Variants in YEATS2 observed in about 807,000 individuals in gnomAD.
YEATS2 encodes the protein YEATS domain-containing protein 2.
YEATS2 carries 77 observed loss-of-function variants against 163.2 expected under a neutral mutation model. The observed-to-expected ratio is 0.47, with a 90% CI of 0.39 to 0.57. YEATS2 has a LOEUF of 0.57. YEATS2 is among the 20% of genes least tolerant of loss of function. The pLI, the probability that YEATS2 is intolerant of heterozygous loss-of-function variation, is 0.00. For synonymous variants in YEATS2, 631 were observed against 645.1 expected (o/e 0.98, Z 0.33); for missense variants, 1,549 against 1,729.8 (o/e 0.90, Z 1.85).
At chr3:183,731,098 G>A (rs1409084859) in intron 7 of YEATS2, among the ~76,000 whole-genome samples, 1 of 151,944 alleles carries the variant, frequency 6.6e-6, no homozygotes, top group Non-Finnish European at 1.5e-5. Context: ...TCAGGAGATC[G>A]AGACCATCCT....
chr3:183,802,348 C>A (rs1725738198), intron 25 of YEATS2: 1 of 152,722 alleles, frequency 6.5e-6, no homozygotes, highest in African/African-American at 2.4e-5. Context: ...CTTATTTTTT[C>A]CAACTGTAAT....
chr3:183,724,943 A>G (rs910231024), intron 6 of YEATS2, among the ~76,000 whole-genome samples: 7 of 149,568 alleles, frequency 4.7e-5, no homozygotes, highest in Admixed American at 2.0e-4. Flanking sequence ...GGGTTTCTCC[A>G]TGTTGGTCAG....
At chr3:183,760,743 G>C (rs1315572401) in intron 13 of YEATS2, among the ~76,000 whole-genome samples, 1 of 152,130 alleles carries the variant, frequency 6.6e-6, no homozygotes, top group Non-Finnish European at 1.5e-5. Context: ...TGTATTCTGG[G>C]TGTTCATTGA....
chr3:183,709,807 A>C (rs1315190794), intron 1 of YEATS2, among the ~76,000 whole-genome samples: 2 of 150,932 alleles, frequency 1.3e-5, no homozygotes, highest in Non-Finnish European at 2.9e-5. Context: ...CCTCCGGAGT[A>C]GCTAGGACTA....
chr3:183,762,057 T>C, intron 14 of YEATS2, 40 bp from the exon 15 acceptor site: 2 of 1,613,374 alleles, frequency 1.2e-6, no homozygotes, highest in Non-Finnish European at 1.7e-6. Flanking sequence ...AAATGGGATG[T>C]TTATGGATGT....
Position 183,810,826 on chromosome 3 carries a change from C to T in YEATS2, c.*243C>T. The T allele has an allele frequency of 2.0e-6, 1 of 492,456 alleles. No homozygotes were observed. 30.5% of individuals were successfully genotyped at this position (492,456 alleles called of 1,614,324 possible). A position where few individuals can be genotyped will look rare whatever the true frequency, so the allele number is the denominator to read the frequency against. The stretch of plus-strand genomic sequence containing the variant: ...GTCAGTGGATCCGTGCTTTGTCGGC[C>T]AGCGTTTCTGCAGTCTTTGTAAAGG... On this transcript the variant is annotated 3_prime_UTR_variant, in exon 31 of 31. Coordinates refer to ENST00000305135, the MANE Select transcript of YEATS2 (RefSeq NM_018023.5).
At chr3:183,803,683 C>T in intron 26 of YEATS2, 1 of 500,740 alleles carries the variant, frequency 2.0e-6, no homozygotes, top group East Asian at 3.8e-5. Context: ...GGTGAAGATC[C>T]TTACAGTGGG....
At chr3:183,764,987 A>C (rs565636047) in intron 15 of YEATS2, among the ~76,000 whole-genome samples, 2 of 152,126 alleles carry the variant, frequency 1.3e-5, no homozygotes, top group Admixed American at 1.3e-4. Context: ...GTTTTTAATA[A>C]GTGTTTCTGC....
At chr3:183,786,337 G>A in intron 20 of YEATS2, 36 bp downstream of exon 20, 1 of 1,571,168 alleles carries the variant, frequency 6.4e-7, no homozygotes, top group South Asian at 1.1e-5. Flanking sequence ...ATCCTAATGA[G>A]ACATGAAAGT....
chr3:183,768,903 C>T (rs1215133977), intron 15 of YEATS2, among the ~76,000 whole-genome samples: 1 of 152,168 alleles, frequency 6.6e-6, no homozygotes, highest in Non-Finnish European at 1.5e-5. Context: ...ACCCAGGAGG[C>T]GGAGGTTGCG....
At chr3:183,724,997 C>T (rs1716922602) in intron 6 of YEATS2, among the ~76,000 whole-genome samples, 2 of 150,562 alleles carry the variant, frequency 1.3e-5, no homozygotes, top group Admixed American at 1.3e-4. Context: ...TCCACCTTGG[C>T]CTCTCAAAGT....
intron 1 of YEATS2, among the ~76,000 whole-genome samples, chr3:183,707,685 T>A (rs1714756473): frequency 1.4e-5 from 2 of 147,552 alleles, no homozygotes; most frequent in African/African-American, 5.0e-5. Flanking sequence ...CCTATTTTTT[T>A]TTTTTTTTTT....
chr3:183,722,237 G>C, intron 5 of YEATS2, 101 bp downstream of exon 5: 2 of 1,205,596 alleles, frequency 1.7e-6, no homozygotes, highest in Non-Finnish European at 2.2e-6. Context: ...AGGAATCTTA[G>C]GAAATAGGTT....
intron 7 of YEATS2, among the ~76,000 whole-genome samples, chr3:183,729,790 C>T (rs1205614876): frequency 1.1e-4 from 16 of 151,818 alleles, no homozygotes; most frequent in African/African-American, 2.4e-4. Context: ...CAGGTTCAAG[C>T]GATTCTTCTG....
chr3:183,718,178 A>G (rs1577050520), intron 3 of YEATS2, among the ~76,000 whole-genome samples: 1 of 152,212 alleles, frequency 6.6e-6, no homozygotes, highest in East Asian at 1.9e-4. Flanking sequence ...TCCCATAAAC[A>G]TGTGCACTGT....
chr3:183,796,012 C>T (rs1466816134), intron 21 of YEATS2, among the ~76,000 whole-genome samples: 3 of 144,226 alleles, frequency 2.1e-5, no homozygotes, highest in Non-Finnish European at 3.0e-5. Flanking sequence ...GACGGAGTTC[C>T]GCTCTCGTTG....
chr3:183,724,262 C>A (rs1288781367), intron 5 of YEATS2, among the ~76,000 whole-genome samples, 157 bp from the exon 6 acceptor site: 1 of 152,054 alleles, frequency 6.6e-6, no homozygotes, highest in Non-Finnish European at 1.5e-5. Flanking sequence ...TTTATAGTAA[C>A]TTTTTTAATG....
At position 183,781,047 on chromosome 3, in the gene YEATS2, A is replaced by G. The variant is rs540167512; in HGVS notation, c.2736+3347A>G. Among the ~76,000 whole-genome samples the G allele has an allele frequency of 5.3e-5, 8 of 152,354 alleles. No individual in the cohort carries two copies. The East Asian group carries it at 1.3e-3, about 26-fold the overall frequency. Reference sequence around the variant, plus strand: ...TTAAAAAAATCCAAATAAATTACGGATGATTTAGCTGTTAATACAAATGAC... The same window carrying G: ...TTAAAAAAATCCAAATAAATTACGGGTGATTTAGCTGTTAATACAAATGAC... On this transcript the variant is annotated intron_variant, in intron 19 of 30. Coordinates refer to ENST00000305135, the MANE Select transcript of YEATS2 (RefSeq NM_018023.5).
At chr3:183,809,237 G>A in intron 30 of YEATS2, 67 bp downstream of exon 30, 1 of 1,534,048 alleles carries the variant, frequency 6.5e-7, no homozygotes. Flanking sequence ...AATTGCCCAT[G>A]AAGGTGTTTT....
Sources: allele counts gnomAD v4.1 joint callset (sites outside exome capture counted in the v4.1 genomes callset), GRCh38; gene constraint gnomAD v4.1.1; transcripts MANE v1.5; gene names NCBI Gene and HGNC (gene_info 2026-07-23, HGNC 2026-07-21).